Variants in LTBP1 observed in about 807,000 individuals in gnomAD.
The protein encoded by LTBP1 is latent-transforming growth factor beta-binding protein 1.
In LTBP1, 129 loss-of-function variants were observed where a neutral mutation model predicts 207.6. The observed-to-expected ratio is 0.62, with a 90% confidence interval of 0.54 to 0.72. The LOEUF is 0.72. Among genes scored for constraint, LTBP1 ranks in the 30% least tolerant of loss-of-function variants. The pLI is 0.00. For missense variants in LTBP1, 2,281 were observed against 2,217.2 expected (o/e 1.03, Z -0.58); for synonymous variants, 963 against 833.7 (o/e 1.16, Z -2.67).
At chr2:33,036,104 G>T (rs2075905333) in intron 3 of LTBP1, among the ~76,000 whole-genome samples, 1 of 152,136 alleles carries the variant, frequency 6.6e-6, no homozygotes, top group Admixed American at 6.5e-5. Context: ...CTTGCTCAAG[G>T]TGTTTTTGAC....
rs534066571 is a variant in LTBP1 at position 33,277,534 on chromosome 2, T to C, written c.2992+1611T>C. 3.3e-5 allele frequency among the ~76,000 whole-genome samples: 5 copies of C among 152,220 alleles called. No individual in the cohort carries two copies. In the South Asian group the frequency reaches 8.3e-4, roughly 25 times the overall value. On this transcript the variant is annotated intron_variant, in intron 18 of 33. Coordinates refer to ENST00000404816, the MANE Select transcript of LTBP1 (RefSeq NM_206943.4). ...AGGTTTTCATGAAAATAACTTCATG[T>C]TGCCATAACTTGTATGATGCCTGTC... is the stretch of plus-strand genomic sequence containing the variant.
chr2:33,194,152 A>G (rs2088260412), intron 7 of LTBP1, among the ~76,000 whole-genome samples: 1 of 152,122 alleles, frequency 6.6e-6, no homozygotes, highest in East Asian at 1.9e-4. Context: ...ACGCCCGGGT[A>G]ATTTTTGTAT....
At chr2:33,137,156 A>G (rs745404816) in intron 5 of LTBP1, among the ~76,000 whole-genome samples, 5 of 152,210 alleles carry the variant, frequency 3.3e-5, no homozygotes, top group Non-Finnish European at 5.9e-5. Context: ...AAAAATTCAA[A>G]AACGTTTATG....
chr2:33,246,812 C>T (rs1558879097), intron 10 of LTBP1, among the ~76,000 whole-genome samples: 1 of 152,214 alleles, frequency 6.6e-6, no homozygotes, highest in African/African-American at 2.4e-5. Flanking sequence ...CTTGCCTTGG[C>T]TTAGCCAAGC....
chr2:33,155,366 T>G (rs117243505), intron 5 of LTBP1, among the ~76,000 whole-genome samples: 1 of 152,150 alleles, frequency 6.6e-6, no homozygotes, highest in Non-Finnish European at 1.5e-5. Context: ...CCACGCCCAG[T>G]CTCTAATACA....
intron 2 of LTBP1, among the ~76,000 whole-genome samples, chr2:32,962,944 C>G (rs1679363008): frequency 6.6e-6 from 1 of 152,258 alleles, no homozygotes; most frequent in Admixed American, 6.5e-5. Context: ...AACCACTGCT[C>G]TAGCAGAACC....
At chr2:33,171,944 G>C (rs916431417) in intron 5 of LTBP1, among the ~76,000 whole-genome samples, 1 of 152,082 alleles carries the variant, frequency 6.6e-6, no homozygotes, top group African/African-American at 2.4e-5. Flanking sequence ...ATACTTTACA[G>C]ACAAGCAAAT....
At chr2:33,146,226 C>A (rs1056668001) in intron 5 of LTBP1, among the ~76,000 whole-genome samples, 3 of 152,330 alleles carry the variant, frequency 2.0e-5, no homozygotes, top group African/African-American at 7.2e-5. Flanking sequence ...TTTGTGGATG[C>A]AGCAGCAACA....
chr2:33,260,576 A>G (rs1390654621), intron 13 of LTBP1, among the ~76,000 whole-genome samples: 10 of 152,238 alleles, frequency 6.6e-5, no homozygotes, highest in East Asian at 1.9e-4. Flanking sequence ...ATGTCATAAC[A>G]TAAGTGCTGA....
At chr2:33,324,322 ATAT>A (rs1037766562) in intron 24 of LTBP1, among the ~76,000 whole-genome samples, 20 of 152,146 alleles carry the variant, frequency 1.3e-4, no homozygotes, top group Middle Eastern at 3.4e-3. Context: ...TAATCACAGT[ATAT>A]TATTACTATT....
At position 33,188,850 on chromosome 2, in the gene LTBP1, A is replaced by G. The variant is rs781489971; in HGVS notation, c.1700A>G (p.Gln567Arg). The G allele has an allele frequency of 2.5e-6, 4 of 1,613,788 alleles. No homozygotes were observed. In the African/African-American group the frequency reaches 5.3e-5, roughly 22 times the overall value. ...GRCFQETIGS[Q>R]CGKALPGLSK... Reference sequence around the variant, plus strand: ...TGCTTCCAGGAAACCATTGGGTCACAGGTAAACATCATCACCGAGCCTGCT... The same window carrying G: ...TGCTTCCAGGAAACCATTGGGTCACGGGTAAACATCATCACCGAGCCTGCT... Residue 567 changes from glutamine (Q) to arginine (R), a missense_variant and splice_region_variant, in exon 7 of 34, where the codon CAG becomes CGG. By Grantham distance (43) the Gln-to-Arg change is conservative. Around this residue, in one of 3 missense-constraint regions of LTBP1, gnomAD observed 1,671 missense variants for 1,634.8 expected, o/e 1.02. Transcript: ENST00000404816.
intron 3 of LTBP1, among the ~76,000 whole-genome samples, chr2:33,099,566 G>A (rs1168245088): frequency 6.6e-6 from 1 of 152,218 alleles, no homozygotes; most frequent in East Asian, 1.9e-4. Context: ...ATAGAGTCCT[G>A]TACTTCATAA....
intron 2 of LTBP1, among the ~76,000 whole-genome samples, chr2:33,016,936 G>A (rs1688464264): frequency 6.6e-6 from 1 of 152,206 alleles, no homozygotes; most frequent in Non-Finnish European, 1.5e-5. Context: ...AGAATTGCTT[G>A]AATCTGAGGG....
At chr2:33,149,240 A>AAC (rs2083316811) in intron 5 of LTBP1, among the ~76,000 whole-genome samples, 5 of 144,960 alleles carry the variant, frequency 3.4e-5, no homozygotes, top group Non-Finnish European at 6.2e-5. Flanking sequence ...AAAAAAAAAA[A>AAC]AAAAAAAAAA....
At chr2:33,335,897 G>A (rs1416946953) in intron 24 of LTBP1, among the ~76,000 whole-genome samples, 2 of 152,106 alleles carry the variant, frequency 1.3e-5, no homozygotes, top group African/African-American at 4.8e-5. Flanking sequence ...TGGTTAAGAA[G>A]TTCTGAGCTA....
intron 7 of LTBP1, among the ~76,000 whole-genome samples, chr2:33,189,877 A>G (rs1573067132): frequency 7.3e-6 from 1 of 137,558 alleles, no homozygotes; most frequent in Non-Finnish European, 1.6e-5. Context: ...AATACAAAAA[A>G]TTAGCCCGGC....
chr2:33,056,420 G>T, intron 3 of LTBP1: 1 of 1,060,702 alleles, frequency 9.4e-7, no homozygotes, highest in Non-Finnish European at 1.3e-6. Flanking sequence ...GGGCGATGGT[G>T]ACTTTGCCCA....
At chr2:33,396,835 A>G (rs992506747) in intron 32 of LTBP1, among the ~76,000 whole-genome samples, 12 of 152,240 alleles carry the variant, frequency 7.9e-5, no homozygotes, top group Non-Finnish European at 8.8e-5. Flanking sequence ...TTGGATGAAC[A>G]CTTTTAATAA....
chr2:33,391,572 T>C (rs1017594252), intron 32 of LTBP1, among the ~76,000 whole-genome samples: 2 of 152,144 alleles, frequency 1.3e-5, no homozygotes, highest in African/African-American at 4.8e-5. Flanking sequence ...TCCCTAGACC[T>C]CCTCAATAAC....
Sources: allele counts gnomAD v4.1 joint callset (sites outside exome capture counted in the v4.1 genomes callset), GRCh38; gene constraint gnomAD v4.1.1; regional missense constraint gnomAD v4.1.1; transcripts MANE v1.5; gene names NCBI Gene and HGNC (gene_info 2026-07-23, HGNC 2026-07-21).